The following CPLANE1 variants were observed in gnomAD, a reference collection of about 807,000 sequenced individuals.
CPLANE1 encodes the protein ciliogenesis and planar polarity effector 1.
A neutral mutation model predicts 362.5 loss-of-function variants in CPLANE1; 263 were observed. That is an observed-to-expected ratio of 0.73 (90% confidence interval 0.66 to 0.80). The LOEUF is 0.80. Among genes scored for constraint, CPLANE1 ranks in the 30% least tolerant of loss-of-function variants. CPLANE1 has a pLI of 0.00. For missense variants in CPLANE1, 3,461 were observed against 3,793.4 expected (o/e 0.91, Z 2.30); for synonymous variants, 1,212 against 1,302.6 (o/e 0.93, Z 1.50).
chr5:37,248,354 C>T (rs777348702), intron 1 of CPLANE1, among the ~76,000 whole-genome samples: 11 of 151,276 alleles, frequency 7.3e-5, no homozygotes, highest in Non-Finnish European at 8.8e-5. Flanking sequence ...GGTCTCGAAC[C>T]CCTGACCTTG....
chr5:37,212,615 ATTAGAATGAATGAATATC>A (rs1228406777), intron 16 of CPLANE1, among the ~76,000 whole-genome samples: 3 of 152,264 alleles, frequency 2.0e-5, no homozygotes, highest in African/African-American at 4.8e-5. Flanking sequence ...CTTAATAAAA[ATTAGAATGAATGAATATC>A]ATAGAAATTT....
In CPLANE1 at chr5:37,148,193, T is replaced by C. The variant is rs1293453280; in HGVS notation, c.8449A>G (p.Ile2817Val). 1 of 1,612,542 alleles carries C rather than the reference T, an allele frequency of 6.2e-7. No individual in the cohort carries two copies. The highest frequency in any genetic ancestry group is 1.7e-5 in the Admixed American group (1 of 59,932). ...AGCCCCTACAAACCTTCTTCAGAAA[T>C]GCTAATGGTTTTTGAAGCTAATGTT... is the stretch of plus-strand genomic sequence containing the variant. ...KKTLASKTIS[I>V]SEEVRFLTHM... Residue 2817 changes from isoleucine to valine, a missense_variant, in exon 43 of 53, where the codon ATT becomes GTT. Transcript: ENST00000651892.
At chr5:37,119,465 G>A (rs1762003383) in intron 50 of CPLANE1, among the ~76,000 whole-genome samples, 2 of 151,486 alleles carry the variant, frequency 1.3e-5, no homozygotes, top group Non-Finnish European at 2.9e-5. Flanking sequence ...GAGGTCGGGA[G>A]TTCGAGACCA....
rs546317665 is a variant in CPLANE1, at chr5:37,107,156, T to C, written c.*446A>G. 8.1e-6 allele frequency: 8 copies of C among 985,734 alleles called. No homozygotes were observed. Among genetic ancestry groups the C allele is most frequent in the African/African-American group, 5.2e-5 (3 of 57,376 alleles). The allele number at this position is 985,734 out of a possible 1,614,324, so 61.1% of individuals were successfully genotyped here. On this transcript the variant is annotated 3_prime_UTR_variant, in exon 53 of 53. Coordinates refer to ENST00000651892, the MANE Select transcript of CPLANE1 (RefSeq NM_001384732.1). ...TAAACCCTGCATAGGTGTTTTAAAA[T>C]AGGGTTCATAATTGAGTTCTCAGGT...
intron 18 of CPLANE1, 65 bp downstream of exon 18, chr5:37,205,250 C>T: frequency 8.3e-7 from 1 of 1,197,852 alleles, no homozygotes; most frequent in East Asian, 2.9e-5. Flanking sequence ...CATGTATAAA[C>T]TTTTTAAGGT....
intron 20 of CPLANE1, among the ~76,000 whole-genome samples, 164 bp downstream of exon 20, chr5:37,198,538 C>T (rs1434502474): frequency 1.3e-5 from 2 of 152,132 alleles, no homozygotes; most frequent in Non-Finnish European, 2.9e-5. Context: ...GAGTCCTCAC[C>T]TTTCAACAGG....
chr5:37,242,513 T>C (rs867466997), intron 6 of CPLANE1, among the ~76,000 whole-genome samples: 7 of 152,324 alleles, frequency 4.6e-5, no homozygotes, highest in Middle Eastern at 6.8e-3. Context: ...GTTACTTTTA[T>C]AGTCTTAGAC....
At position 37,227,271 on chromosome 5, in the gene CPLANE1, G is replaced by A. The variant is rs751399336; in HGVS notation, c.1493C>T (p.Thr498Ile). Residue 498 changes from threonine (T) to isoleucine (I), a missense_variant, in exon 11 of 53, where the codon ACA (threonine) becomes ATA (isoleucine). Around this residue, in one of 2 missense-constraint regions of CPLANE1, gnomAD observed 3,380 missense variants for 3,666.1 expected, o/e 0.92. Coordinates refer to ENST00000651892, the MANE Select transcript of CPLANE1 (RefSeq NM_001384732.1). ...TVPKFLQAEE[T>I]INENAADFQD... ...AAAATCTGCTGCATTTTCATTTATT[G>A]TTTCTTCTGCCTGCAAGAATTTGGG... The A allele has an allele frequency of 1.9e-6, 3 of 1,551,336 alleles. No homozygotes were observed. The South Asian group carries it at 3.6e-5, about 19-fold the overall frequency.
downstream of CPLANE1, among the ~76,000 whole-genome samples, chr5:37,102,028 C>CAA (rs1310278403): frequency 8.1e-5 from 11 of 136,342 alleles, no homozygotes; most frequent in African/African-American, 1.9e-4. Context: ...TTAATTTTTT[C>CAA]AAAAAAAAAA....
At chr5:37,134,318 T>G (rs1766903895) in intron 46 of CPLANE1, among the ~76,000 whole-genome samples, 1 of 152,228 alleles carries the variant, frequency 6.6e-6, no homozygotes, top group African/African-American at 2.4e-5. Flanking sequence ...ATTTCAGGAC[T>G]TCATATTGGT....
chr5:37,107,408 T>C lies in CPLANE1; in HGVS notation c.*194A>G. The C allele has an allele frequency of 7.8e-7, 1 of 1,276,788 alleles. No individual in the cohort carries two copies. Among genetic ancestry groups the C allele is most frequent in the Non-Finnish European group, 9.9e-7 (1 of 1,007,252 alleles). The allele number at this position is 1,276,788 out of a possible 1,614,324, so 79.1% of individuals were successfully genotyped here. ...ATATAATACATCAATAGTCAACCCT[T>C]TCCCCATAAAGGCAAAGTTACTGAG... On this transcript the variant is annotated 3_prime_UTR_variant, in exon 53 of 53. Coordinates refer to ENST00000651892, the MANE Select transcript of CPLANE1 (RefSeq NM_001384732.1).
At chr5:37,177,055 G>A (rs577012257) in intron 30 of CPLANE1, among the ~76,000 whole-genome samples, 1 of 152,234 alleles carries the variant, frequency 6.6e-6, no homozygotes, top group African/African-American at 2.4e-5. Context: ...ACCACGCCTG[G>A]CCATGTTGCC....
rs1800913275 is a variant in CPLANE1 at position 37,243,013 on chromosome 5, C to T, written c.677G>A (p.Arg226Lys). ...RWHENVFTSVRSLPYHVHWAQ... is the reference protein window; with the variant it reads ...RWHENVFTSVKSLPYHVHWAQ... ...AGGAAGAAGAAAACATTTACCTCAC[C>T]TTACAGATGTAAATACATTCTCATG... The change falls in exon 6 of 53, where the codon AGA becomes AAA. Residue 226 changes from arginine (R) to lysine (K), a missense_variant and splice_region_variant. Coordinates refer to ENST00000651892, the MANE Select transcript of CPLANE1 (RefSeq NM_001384732.1). 6.6e-7 allele frequency: 1 copy of T among 1,523,606 alleles called. No individual in the cohort carries two copies. The highest frequency in any genetic ancestry group is 2.2e-5 in the Admixed American group (1 of 46,498). The allele number at this position is 1,523,606 out of a possible 1,614,324, so 94.4% of individuals were successfully genotyped here.
At chr5:37,202,833 A>T (rs12110010) in intron 18 of CPLANE1, among the ~76,000 whole-genome samples, 16,712 of 151,958 alleles carry the variant, frequency 0.11, 997 homozygotes, top group Admixed American at 0.15. Flanking sequence ...CCAATTAAAT[A>T]TATGTTGTCT....
At position 37,180,871 on chromosome 5, in the gene CPLANE1, A is replaced by G; in HGVS notation, c.5556T>C (p.Cys1852=). The G allele has an allele frequency of 6.2e-7, 1 of 1,613,970 alleles. No individual in the cohort carries two copies. ...TEERNGQNKS[C]QNILNRMPTE... is the part of the protein sequence containing the mutation. ...CGGCAACTTACTTCAAGATATTTTG[A>G]CAAGATTTATTCTGACCATTTCTTT... is the stretch of plus-strand genomic sequence containing the variant. Residue 1852 remains cysteine, a synonymous_variant, in exon 27 of 53, where the codon TGT becomes TGC. Coordinates refer to ENST00000651892, the MANE Select transcript of CPLANE1 (RefSeq NM_001384732.1).
At chr5:37,211,143 T>G (rs1792481303) in intron 16 of CPLANE1, 10 of 1,215,668 alleles carry the variant, frequency 8.2e-6, no homozygotes, top group Non-Finnish European at 1.2e-5. Context: ...GAACAATCCT[T>G]TTAAACAGGA....
the CPLANE1 span, among the ~76,000 whole-genome samples, chr5:37,077,399 C>G: frequency 6.6e-6 from 1 of 152,068 alleles, no homozygotes; most frequent in East Asian, 1.9e-4. Context: ...CACCCTGTTA[C>G]GTCTGTTGCT....
intron 43 of CPLANE1, among the ~76,000 whole-genome samples, chr5:37,144,397 TAAAA>T (rs1176016655): frequency 5.9e-5 from 4 of 67,540 alleles, no homozygotes; most frequent in Admixed American, 1.8e-4. Flanking sequence ...AGACTTTGTC[TAAAA>T]AAAAAAAAAA....
the CPLANE1 span, among the ~76,000 whole-genome samples, chr5:37,097,898 AAAGAT>A: frequency 1.3e-5 from 2 of 152,218 alleles, no homozygotes; most frequent in African/African-American, 4.8e-5. Flanking sequence ...GTCCTACTTA[AAAGAT>A]AAGACAGCAA....
Sources: gnomAD v4.1 joint callset for allele counts (sites outside exome capture counted in the v4.1 genomes callset) on GRCh38, gnomAD v4.1.1 for gene constraint, gnomAD v4.1.1 regional missense constraint, MANE v1.5 for transcripts, NCBI Gene and HGNC (gene_info 2026-07-23, HGNC 2026-07-21) for gene names.